ADORA2B: variants seen among roughly 807,000 people sequenced by gnomAD.
ADORA2B encodes the protein adenosine A2b receptor.
A neutral mutation model predicts 20.8 loss-of-function variants in ADORA2B; 18 were observed. The observed-to-expected ratio is 0.87, with a 90% CI of 0.60 to 1.29. ADORA2B has a LOEUF of 1.29. Ranked by LOEUF, ADORA2B falls within the 50% of genes most tolerant of loss-of-function variation. ADORA2B has a pLI of 0.00. For missense variants in ADORA2B, 441 were observed against 422.7 expected, an observed-to-expected ratio of 1.04 and a Z score of -0.38; for synonymous variants, 179 against 178.3, an observed-to-expected ratio of 1.00 and a Z score of -0.03.
the ADORA2B span, among the ~76,000 whole-genome samples, chr17:15,874,219 A>C: frequency 1.6e-3 from 246 of 151,900 alleles, no homozygotes; most frequent in Non-Finnish European, 2.3e-3. Context: ...GTAACACAGG[A>C]GTGGAAAATC....
chr17:15,953,729 T>C (rs927793820), intron 1 of ADORA2B, among the ~76,000 whole-genome samples: 3 of 152,238 alleles, frequency 2.0e-5, no homozygotes, highest in African/African-American at 7.2e-5. Context: ...CTGGTTTCTG[T>C]GAGCCGCGCT....
At chr17:15,951,054 AG>A (rs1436239649) in intron 1 of ADORA2B, among the ~76,000 whole-genome samples, 6 of 152,176 alleles carry the variant, frequency 3.9e-5, no homozygotes, top group African/African-American at 1.4e-4. Flanking sequence ...CTGGGTGAAA[AG>A]GGCACATGTC....
the ADORA2B span, among the ~76,000 whole-genome samples, chr17:15,866,596 TTA>T: frequency 6.6e-6 from 1 of 151,740 alleles, no homozygotes; most frequent in Non-Finnish European, 1.5e-5. Context: ...TAAGAATTCT[TTA>T]TATATTCTCC....
chr17:15,883,925 A>T, the ADORA2B span, among the ~76,000 whole-genome samples: 1 of 152,220 alleles, frequency 6.6e-6, no homozygotes, highest in East Asian at 1.9e-4. Flanking sequence ...GCAGTGATGA[A>T]ATATTTACCA....
At chr17:15,901,821 C>G in the ADORA2B span, among the ~76,000 whole-genome samples, 1 of 152,198 alleles carries the variant, frequency 6.6e-6, no homozygotes, top group Non-Finnish European at 1.5e-5. Context: ...CCCACCACCT[C>G]CGCAAGACCA....
At chr17:15,949,707 C>G (rs1227136399) in intron 1 of ADORA2B, among the ~76,000 whole-genome samples, 1 of 151,904 alleles carries the variant, frequency 6.6e-6, no homozygotes, top group Non-Finnish European at 1.5e-5. Context: ...CCCGTCTCTA[C>G]TAAAAATACA....
At chr17:15,903,888 A>G in the ADORA2B span, among the ~76,000 whole-genome samples, 1 of 151,798 alleles carries the variant, frequency 6.6e-6, no homozygotes, top group Non-Finnish European at 1.5e-5. Context: ...CCCTACTTCA[A>G]ATTACGTAGA....
the ADORA2B span, among the ~76,000 whole-genome samples, chr17:15,877,916 GTT>G: frequency 2.6e-4 from 40 of 152,058 alleles, 1 homozygote; most frequent in African/African-American, 9.7e-4. Flanking sequence ...TGTTATGTTA[GTT>G]ATTTCTTGTC....
the ADORA2B span, among the ~76,000 whole-genome samples, chr17:15,884,636 A>G: frequency 2.6e-5 from 4 of 152,244 alleles, no homozygotes; most frequent in African/African-American, 9.6e-5. Context: ...TGTTCGCATC[A>G]TTCAACTCCC....
chr17:15,969,127 C>T (rs1413325822), intron 1 of ADORA2B, among the ~76,000 whole-genome samples: 1 of 152,126 alleles, frequency 6.6e-6, no homozygotes, highest in Non-Finnish European at 1.5e-5. Context: ...CTGCATCCTC[C>T]ACCTCCTCCC....
the ADORA2B span, among the ~76,000 whole-genome samples, chr17:15,927,205 T>C: frequency 0.28 from 42,212 of 151,680 alleles, 7,122 homozygotes; most frequent in African/African-American, 0.49. Context: ...AAAATTAGGC[T>C]GGGTGCGGTG....
chr17:15,872,995 T>C, the ADORA2B span, among the ~76,000 whole-genome samples: 1 of 152,190 alleles, frequency 6.6e-6, no homozygotes, highest in African/African-American at 2.4e-5. Context: ...TCATGGGGAA[T>C]GTGTTCAACT....
chr17:15,866,350 T>C, the ADORA2B span, among the ~76,000 whole-genome samples: 1 of 152,104 alleles, frequency 6.6e-6, no homozygotes, highest in Non-Finnish European at 1.5e-5. Flanking sequence ...ATGTGGGTAA[T>C]GTGTAGTAGT....
chr17:15,885,723 A>AC, the ADORA2B span, among the ~76,000 whole-genome samples: 7 of 152,120 alleles, frequency 4.6e-5, no homozygotes, highest in East Asian at 1.2e-3. Flanking sequence ...CAAAAAAAAA[A>AC]AACAAAAAAA....
the ADORA2B span, among the ~76,000 whole-genome samples, chr17:15,918,992 C>T: frequency 6.6e-6 from 1 of 152,166 alleles, no homozygotes; most frequent in Non-Finnish European, 1.5e-5. Context: ...GCCCCCACCA[C>T]CAACATCCGG....
chr17:15,943,080 G>A (rs759045779), upstream of ADORA2B, among the ~76,000 whole-genome samples: 33 of 152,212 alleles, frequency 2.2e-4, no homozygotes, highest in Admixed American at 7.2e-4. Flanking sequence ...GGTGGAGCAG[G>A]TGATTCCAGA....
the ADORA2B span, among the ~76,000 whole-genome samples, chr17:15,865,879 G>C: frequency 6.6e-6 from 1 of 150,702 alleles, no homozygotes; most frequent in Non-Finnish European, 1.5e-5. Context: ...AGGCAAGAAG[G>C]ATGGGAGAAG....
the ADORA2B span, among the ~76,000 whole-genome samples, chr17:15,867,223 G>A: frequency 1.3e-5 from 2 of 151,920 alleles, no homozygotes; most frequent in African/African-American, 2.4e-5. Context: ...TGGGAAGTGA[G>A]GAGCATCTCT....
chr17:15,935,881 T>G, the ADORA2B span, among the ~76,000 whole-genome samples: 3 of 150,670 alleles, frequency 2.0e-5, no homozygotes, highest in Non-Finnish European at 4.4e-5. Flanking sequence ...TTTTTTTTTT[T>G]TTTGAGATCG....
Sources: gnomAD v4.1 joint callset for allele counts (sites outside exome capture counted in the v4.1 genomes callset) on GRCh38, gnomAD v4.1.1 for gene constraint, MANE v1.5 for transcripts, NCBI Gene and HGNC (gene_info 2026-07-23, HGNC 2026-07-21) for gene names.